The following BAZ2B variants were observed in gnomAD, a reference collection of about 807,000 sequenced individuals.
BAZ2B encodes the protein bromodomain adjacent to zinc finger domain protein 2B.
BAZ2B carries 91 observed loss-of-function variants against 246.0 expected under a neutral mutation model. The observed-to-expected ratio is 0.37, with a 90% confidence interval of 0.31 to 0.44. BAZ2B has a LOEUF of 0.44. Among genes scored for constraint, BAZ2B ranks in the 20% least tolerant of loss-of-function variants. The pLI, the probability that BAZ2B is intolerant of heterozygous loss-of-function variation, is 1.00. For synonymous variants in BAZ2B, 855 were observed against 860.0 expected, an observed-to-expected ratio of 0.99 and a Z score of 0.10; for missense variants, 2,332 against 2,533.7, an observed-to-expected ratio of 0.92 and a Z score of 1.71.
At chr2:159,647,683 T>C in the BAZ2B span, among the ~76,000 whole-genome samples, 2 of 152,120 alleles carry the variant, frequency 1.3e-5, 1 homozygote, top group African/African-American at 4.8e-5. Context: ...ACAACACAAC[T>C]ACATGCTTTG....
chr2:159,624,267 G>C, the BAZ2B span, among the ~76,000 whole-genome samples: 27 of 152,320 alleles, frequency 1.8e-4, no homozygotes, highest in African/African-American at 6.0e-4. Context: ...TGTGGGCAAA[G>C]CTTCAGAAGT....
At chr2:159,471,625 T>C (rs897314964) in intron 3 of BAZ2B, among the ~76,000 whole-genome samples, 1 of 152,128 alleles carries the variant, frequency 6.6e-6, no homozygotes, top group African/African-American at 2.4e-5. Context: ...TTGTATATAC[T>C]GCTTTTTTTA....
At chr2:159,588,144 G>A (rs952148680) in intron 1 of BAZ2B, among the ~76,000 whole-genome samples, 4 of 144,536 alleles carry the variant, frequency 2.8e-5, no homozygotes, top group African/African-American at 1.0e-4. Context: ...AGTGAGCTAC[G>A]ATTGTACCAC....
chr2:159,329,025 G>C lies in BAZ2B; in HGVS notation c.5944-3107C>G, dbSNP rs139507544. On this transcript the variant is annotated intron_variant, in intron 34 of 36. Transcript: ENST00000392783. ...CACCTGTAATCTCAGCTATTCAGGA[G>C]GCTGAGGCAGGAGAATCGCTTGAAC... Among the ~76,000 whole-genome samples the C allele has an allele frequency of 5.1e-3, 780 of 152,030 alleles. 7 individuals are homozygous for C. The highest frequency in any genetic ancestry group is 0.018 in the African/African-American group (736 of 41,466).
intron 3 of BAZ2B, among the ~76,000 whole-genome samples, chr2:159,470,768 T>C (rs1355726318): frequency 6.6e-6 from 1 of 152,224 alleles, no homozygotes; most frequent in Admixed American, 6.5e-5. Context: ...GATTGTGGTA[T>C]CATTTAATGA....
At chr2:159,611,839 A>G (rs1694778856) in intron 1 of BAZ2B, among the ~76,000 whole-genome samples, 1 of 151,758 alleles carries the variant, frequency 6.6e-6, no homozygotes, top group Admixed American at 6.6e-5. Flanking sequence ...TTTTTAATGG[A>G]TGTTTCTGTG....
intron 16 of BAZ2B, 140 bp from the exon 17 acceptor site, chr2:159,400,804 GC>G: frequency 2.1e-6 from 1 of 481,854 alleles, no homozygotes; most frequent in East Asian, 4.2e-5. Flanking sequence ...ACTTTGGGAG[GC>G]CAAGGTGGGC....
chr2:159,400,726 G>T, intron 16 of BAZ2B, 62 bp from the exon 17 acceptor site: 2 of 993,928 alleles, frequency 2.0e-6, no homozygotes, highest in South Asian at 2.8e-5. Flanking sequence ...AAGAGTATTT[G>T]AGTGGAATCA....
intron 2 of BAZ2B, among the ~76,000 whole-genome samples, chr2:159,544,558 T>C (rs1389522459): frequency 6.6e-6 from 1 of 152,160 alleles, no homozygotes; most frequent in Admixed American, 6.5e-5. Context: ...TTGAATTACA[T>C]GTCTGTGGGA....
the BAZ2B span, among the ~76,000 whole-genome samples, chr2:159,687,787 A>T: frequency 6.6e-6 from 1 of 152,140 alleles, no homozygotes; most frequent in African/African-American, 2.4e-5. Flanking sequence ...TGGGATTTTG[A>T]TTGGTGTCTG....
In BAZ2B at chr2:159,432,813, T is replaced by C; in HGVS notation, c.1844A>G (p.Asp615Gly). The change falls in exon 9 of 37, where the codon GAT (aspartate) becomes GGT (glycine). Residue 615 changes from aspartate to glycine, a missense_variant. Around this residue, in one of 9 missense-constraint regions of BAZ2B, gnomAD observed 651 missense variants for 650.9 expected, o/e 1.00. Coordinates refer to ENST00000392783, the MANE Select transcript of BAZ2B (RefSeq NM_013450.4). ...EDSNEDEEED[D>G]EEEDEEDDED... is the part of the protein sequence containing the mutation. ...ATCATCTTCCTCATCTTCTTCTTCATCATCTTCCTCTTCATCCTCATTTGA... is the reference window on the plus strand; with the variant it reads ...ATCATCTTCCTCATCTTCTTCTTCACCATCTTCCTCTTCATCCTCATTTGA... The C allele has an allele frequency of 6.2e-6, 10 of 1,613,918 alleles. No individual in the cohort carries two copies. Among genetic ancestry groups the C allele is most frequent in the Non-Finnish European group, 7.6e-6 (9 of 1,179,800 alleles).
chr2:159,506,402 C>T (rs1314084986), intron 2 of BAZ2B, among the ~76,000 whole-genome samples: 1 of 152,100 alleles, frequency 6.6e-6, no homozygotes, highest in East Asian at 1.9e-4. Context: ...AATGAATATC[C>T]ACAAAGTTCC....
chr2:159,435,172 G>T (rs2071968838), intron 8 of BAZ2B: 1 of 151,612 alleles, frequency 6.6e-6, no homozygotes, highest in Non-Finnish European at 1.5e-5. Context: ...CTGATGGAAT[G>T]TTATATAAAA....
chr2:159,428,248 T>G lies in BAZ2B; in HGVS notation c.2364+63A>C, dbSNP rs894160905. ...TTTATCTGAGAAAGGAGTACACTTT[T>G]TTTTTGTACATGATCATGCTTAATA... On this transcript the variant is annotated intron_variant, in intron 12 of 36. Coordinates refer to ENST00000392783, the MANE Select transcript of BAZ2B (RefSeq NM_013450.4). 24 of 1,405,678 alleles carry G rather than the reference T, an allele frequency of 1.7e-5. No homozygotes were observed. The African/African-American group carries it at 3.3e-4, about 19-fold the overall frequency. 87.1% of individuals were successfully genotyped at this position (1,405,678 alleles called of 1,614,324 possible).
the BAZ2B span, among the ~76,000 whole-genome samples, chr2:159,643,563 T>C: frequency 7.9e-5 from 12 of 152,152 alleles, no homozygotes; most frequent in African/African-American, 2.6e-4. Context: ...CCTTCTCATA[T>C]GCAAAATACA....
chr2:159,369,930 A>G (rs1216016637), intron 27 of BAZ2B, among the ~76,000 whole-genome samples: 3 of 152,202 alleles, frequency 2.0e-5, no homozygotes, highest in Non-Finnish European at 1.5e-5. Context: ...CAAATGTCCA[A>G]CAATGATAGA....
chr2:159,423,699 T>C (rs995901378), intron 13 of BAZ2B, among the ~76,000 whole-genome samples: 1 of 152,226 alleles, frequency 6.6e-6, no homozygotes, highest in Non-Finnish European at 1.5e-5. Flanking sequence ...GAAAGAATGA[T>C]ATCTTATCCT....
intron 27 of BAZ2B, among the ~76,000 whole-genome samples, chr2:159,360,268 A>C (rs111952108): frequency 0.33 from 49,472 of 152,100 alleles, 10,028 homozygotes; most frequent in Non-Finnish European, 0.47. Context: ...TCAGGATACA[A>C]AATCAATGTG....
chr2:159,553,326 C>T (rs996271049), intron 2 of BAZ2B, among the ~76,000 whole-genome samples: 2 of 136,904 alleles, frequency 1.5e-5, no homozygotes, highest in Admixed American at 8.2e-5. Context: ...ACCCAGGAGG[C>T]AGAGGCTGCA....
Sources: gnomAD v4.1 joint callset for allele counts (sites outside exome capture counted in the v4.1 genomes callset) on GRCh38, gnomAD v4.1.1 for gene constraint, gnomAD v4.1.1 regional missense constraint, MANE v1.5 for transcripts, NCBI Gene and HGNC (gene_info 2026-07-23, HGNC 2026-07-21) for gene names.